Variants in PTPN14 observed in about 807,000 individuals in gnomAD.
PTPN14 encodes protein tyrosine phosphatase non-receptor type 14, also known as tyrosine-protein phosphatase non-receptor type 14.
PTPN14 carries 53 observed loss-of-function variants against 126.8 expected under a neutral mutation model. The observed-to-expected ratio is 0.42, with a 90% CI of 0.34 to 0.53. PTPN14 has a LOEUF of 0.53. PTPN14 is among the 20% of genes least tolerant of loss of function. PTPN14 has a pLI of 0.08. For synonymous variants in PTPN14, 630 were observed against 599.3 expected (o/e 1.05, Z -0.75); for missense variants, 1,257 against 1,552.9 (o/e 0.81, Z 3.20).
rs1020431995 is a variant in PTPN14 at position 214,350,262 on chromosome 1, T to C, written c.*7660A>G. 1 of 152,246 alleles carries C rather than the reference T, an allele frequency of 6.6e-6. No homozygotes were observed. The highest frequency in any genetic ancestry group is 1.5e-5 in the Non-Finnish European group (1 of 68,054). The allele number at this position is 152,246 out of a possible 1,614,324, so 9.4% of individuals were successfully genotyped here. A position where few individuals can be genotyped will look rare whatever the true frequency, so the allele number is the denominator to read the frequency against. Reference sequence around the variant, plus strand: ...GCCAGTCTGTGTAAAGAGGCTATAATGACGAAAGCATTTTCCCTGCAGGGA... The same window carrying C: ...GCCAGTCTGTGTAAAGAGGCTATAACGACGAAAGCATTTTCCCTGCAGGGA... On this transcript the variant is annotated 3_prime_UTR_variant, in exon 19 of 19. Coordinates refer to ENST00000366956, the MANE Select transcript of PTPN14 (RefSeq NM_005401.5).
chr1:214,459,997 C>T (rs562946269), intron 2 of PTPN14, among the ~76,000 whole-genome samples: 1 of 152,152 alleles, frequency 6.6e-6, no homozygotes, highest in African/African-American at 2.4e-5. Flanking sequence ...GAATGTTTCC[C>T]AAAGCATTTT....
At chr1:214,501,569 A>C (rs953125949) in intron 1 of PTPN14, among the ~76,000 whole-genome samples, 1 of 152,166 alleles carries the variant, frequency 6.6e-6, no homozygotes, top group African/African-American at 2.4e-5. Flanking sequence ...TCTATGAACA[A>C]TTAGGCTATA....
At chr1:214,542,038 A>G (rs1655849402) in intron 1 of PTPN14, among the ~76,000 whole-genome samples, 1 of 151,892 alleles carries the variant, frequency 6.6e-6, no homozygotes, top group Non-Finnish European at 1.5e-5. Flanking sequence ...CCTCACCTCC[A>G]CCCCTGCTCA....
chr1:214,396,617 A>G (rs957204607), intron 8 of PTPN14, among the ~76,000 whole-genome samples: 2 of 152,238 alleles, frequency 1.3e-5, no homozygotes, highest in African/African-American at 4.8e-5. Flanking sequence ...GTGAATTCTC[A>G]TCTTGTAGTG....
chr1:214,491,734 G>A (rs1298330797), intron 1 of PTPN14, among the ~76,000 whole-genome samples: 1 of 152,102 alleles, frequency 6.6e-6, no homozygotes, highest in Non-Finnish European at 1.5e-5. Flanking sequence ...AAAAACTGCA[G>A]CACTTAGAAA....
At chr1:214,414,274 C>T (rs1659376118) in intron 4 of PTPN14, among the ~76,000 whole-genome samples, 1 of 152,126 alleles carries the variant, frequency 6.6e-6, no homozygotes, top group African/African-American at 2.4e-5. Flanking sequence ...ATAGTAACAC[C>T]TTTGCAGCAT....
At chr1:214,519,290 C>G (rs1655184825) in intron 1 of PTPN14, among the ~76,000 whole-genome samples, 1 of 151,982 alleles carries the variant, frequency 6.6e-6, no homozygotes, top group South Asian at 2.1e-4. Flanking sequence ...AAACAAAACT[C>G]AACAATCAAG....
intron 1 of PTPN14, among the ~76,000 whole-genome samples, chr1:214,538,353 A>G (rs1655758268): frequency 1.3e-5 from 2 of 152,322 alleles, no homozygotes; most frequent in South Asian, 4.1e-4. Flanking sequence ...TGAGCAAATA[A>G]CTTCTTTAAT....
At chr1:214,370,280 C>CACAA in intron 16 of PTPN14, among the ~76,000 whole-genome samples, 1 of 97,448 alleles carries the variant, frequency 1.0e-5, no homozygotes, top group South Asian at 3.8e-4. Flanking sequence ...GATTCCATCT[C>CACAA]AAAAAAAAAA....
intron 2 of PTPN14, among the ~76,000 whole-genome samples, chr1:214,461,170 T>C (rs868104380): frequency 3.5e-4 from 53 of 152,158 alleles, no homozygotes; most frequent in African/African-American, 1.3e-3. Flanking sequence ...TCTAATAAAA[T>C]TTAGTGGCAA....
intron 1 of PTPN14, among the ~76,000 whole-genome samples, chr1:214,469,262 T>C (rs541970376): frequency 2.0e-4 from 30 of 152,354 alleles, no homozygotes; most frequent in Admixed American, 6.5e-5. Context: ...AAAAAAGCCA[T>C]TGCACATATG....
At chr1:214,368,603 T>TA (rs1422872953) in intron 17 of PTPN14, among the ~76,000 whole-genome samples, 1 of 152,204 alleles carries the variant, frequency 6.6e-6, no homozygotes, top group African/African-American at 2.4e-5. Flanking sequence ...TCAGTGGCAT[T>TA]AAGCATAGTC....
intron 1 of PTPN14, among the ~76,000 whole-genome samples, chr1:214,546,250 G>A (rs1269241321): frequency 6.6e-6 from 1 of 152,190 alleles, no homozygotes; most frequent in Non-Finnish European, 1.5e-5. Flanking sequence ...ACCGAGGTAG[G>A]CATGGGGAAC....
At chr1:214,549,619 C>A (rs1026088477) in intron 1 of PTPN14, among the ~76,000 whole-genome samples, 1 of 152,150 alleles carries the variant, frequency 6.6e-6, no homozygotes, top group Non-Finnish European at 1.5e-5. Context: ...CGTAATGCTG[C>A]GGTATTACCA....
chr1:214,387,285 G>C (rs1273007806), intron 11 of PTPN14, among the ~76,000 whole-genome samples: 1 of 152,194 alleles, frequency 6.6e-6, no homozygotes, highest in Non-Finnish European at 1.5e-5. Context: ...TTCAAGGCAG[G>C]CAGATTGACT....
At chr1:214,531,575 T>G (rs936245660) in intron 1 of PTPN14, 2 of 150,236 alleles carry the variant, frequency 1.3e-5, no homozygotes, top group Non-Finnish European at 2.9e-5. Flanking sequence ...GACTCTGAAT[T>G]AAGTGGCCTG....
intron 2 of PTPN14, among the ~76,000 whole-genome samples, chr1:214,456,498 C>A (rs761365435): frequency 6.6e-5 from 10 of 152,154 alleles, no homozygotes; most frequent in Non-Finnish European, 1.3e-4. Context: ...TGTAATCAAC[C>A]TCTACTCTGG....
chr1:214,365,280 CAT>C (rs1263257872), intron 17 of PTPN14, among the ~76,000 whole-genome samples: 2 of 152,160 alleles, frequency 1.3e-5, no homozygotes, highest in Non-Finnish European at 2.9e-5. Flanking sequence ...CTGGAGGCAA[CAT>C]GTGTGTGAGG....
At chr1:214,395,927 C>T (rs1571972328) in intron 8 of PTPN14, among the ~76,000 whole-genome samples, 1 of 152,154 alleles carries the variant, frequency 6.6e-6, no homozygotes, top group East Asian at 1.9e-4. Context: ...CCCCTACCCA[C>T]ACGTGAGGAG....
Sources: gnomAD v4.1 joint callset for allele counts (sites outside exome capture counted in the v4.1 genomes callset) on GRCh38, gnomAD v4.1.1 for gene constraint, MANE v1.5 for transcripts, NCBI Gene and HGNC (gene_info 2026-07-23, HGNC 2026-07-21) for gene names.